The following ADGRE2 variants were observed in gnomAD, a reference collection of about 807,000 sequenced individuals.
ADGRE2 encodes CD97 antigen.
A neutral mutation model predicts 100.8 loss-of-function variants in ADGRE2; 83 were observed. The observed-to-expected ratio is 0.82, with a 90% confidence interval of 0.69 to 0.99. ADGRE2 has a LOEUF of 0.99. ADGRE2 is among the 50% of genes least tolerant of loss of function. ADGRE2 has a pLI of 0.00. For missense variants in ADGRE2, 814 were observed against 1,035.7 expected, an observed-to-expected ratio of 0.79 and a Z score of 2.94; for synonymous variants, 355 against 413.0, an observed-to-expected ratio of 0.86 and a Z score of 1.70.
Position 14,733,785 on chromosome 19 carries a change from T to C in ADGRE2, c.*2451A>G, listed in dbSNP as rs950883386. On this transcript the variant is annotated 3_prime_UTR_variant, in exon 21 of 21. Coordinates refer to ENST00000315576, the MANE Select transcript of ADGRE2 (RefSeq NM_013447.4). The stretch of plus-strand genomic sequence containing the variant: ...TTTCCTCTTTCTTTAATTCTTACAC[T>C]GACCTAGTGGTGGAGGCTTGGCAAG... 5.9e-5 allele frequency: 9 copies of C among 152,216 alleles called. No individual in the cohort carries two copies. Among genetic ancestry groups the C allele is most frequent in the African/African-American group, 1.9e-4 (8 of 41,458 alleles). The allele number at this position is 152,216 out of a possible 1,614,324, so 9.4% of individuals were successfully genotyped here.
At chr19:14,770,826 T>A (rs7246890) in intron 5 of ADGRE2, among the ~76,000 whole-genome samples, 2 of 151,514 alleles carry the variant, frequency 1.3e-5, no homozygotes, top group African/African-American at 4.9e-5. Context: ...TTACAGGTGC[T>A]CACCACTATG....
In ADGRE2 at chr19:14,766,266, G is replaced by A; in HGVS notation, c.603C>T (p.Ser201=). 6.2e-7 allele frequency: 1 copy of A among 1,614,084 alleles called. No homozygotes were observed. ...CRPGWQPIPG[S]PNGPNNTVCE... is the part of the protein sequence containing the mutation. The stretch of plus-strand genomic sequence containing the variant: ...AGACGGTATTGTTTGGGCCATTGGG[G>A]GACCCCGGAATCGGTTGCCAGCCCG... Residue 201 remains serine, a synonymous_variant, in exon 7 of 21, where the codon TCC becomes TCT. Coordinates refer to ENST00000315576, the MANE Select transcript of ADGRE2 (RefSeq NM_013447.4).
At chr19:14,740,347 T>C (rs73513953) in intron 20 of ADGRE2, among the ~76,000 whole-genome samples, 12,847 of 151,492 alleles carry the variant, frequency 0.085, 1,870 homozygotes, top group African/African-American at 0.29. Context: ...TGAGGCCAGG[T>C]GTGGTGGCTC....
At chr19:14,748,312 G>GTTATT (rs57224158) in intron 16 of ADGRE2, among the ~76,000 whole-genome samples, 1 of 151,428 alleles carries the variant, frequency 6.6e-6, no homozygotes, top group African/African-American at 2.4e-5. Flanking sequence ...ACATGATCTT[G>GTTATT]TTATTTTATT....
In ADGRE2 at chr19:14,754,981, G is replaced by A. The variant is rs972666517; in HGVS notation, c.1563C>T (p.Ala521=). 9 of 1,613,966 alleles carry A rather than the reference G, an allele frequency of 5.6e-6. No homozygotes were observed. The highest frequency in any genetic ancestry group is 1.7e-5 in the Admixed American group (1 of 59,994). Residue 521 remains alanine (A), a synonymous_variant, in exon 14 of 21, where the codon GCC becomes GCT. Transcript: ENST00000315576. The part of the protein sequence containing the change: ...ICRCTHLSSF[A]VLMAHYDVQE... ...GCACATCGTAGTGGGCCATGAGGAC[G>A]GCAAAGCTGCTCAGGTGGGTGCAAC...
At chr19:14,770,669 CTTTTTTTTTTTTTTTTTTTT>C (rs775214778) in intron 5 of ADGRE2, among the ~76,000 whole-genome samples, 1 of 85,012 alleles carries the variant, frequency 1.2e-5, no homozygotes, top group Non-Finnish European at 2.3e-5. Flanking sequence ...TCTTTCTTTT[CTTTTTTTTTTTTTTTTTTTT>C]TTTTTTTTGA....
chr19:14,750,887 C>T (rs548371910), intron 16 of ADGRE2, among the ~76,000 whole-genome samples: 4 of 152,144 alleles, frequency 2.6e-5, no homozygotes, highest in Admixed American at 6.6e-5. Flanking sequence ...AATCATAGCT[C>T]ACTGCAACTT....
chr19:14,738,566 C>T (rs944646575), intron 20 of ADGRE2, among the ~76,000 whole-genome samples: 11 of 152,072 alleles, frequency 7.2e-5, no homozygotes, highest in East Asian at 3.9e-4. Context: ...TTTGTAGAAA[C>T]GGAATTTTGC....
At chr19:14,776,976 GCA>G (rs58154734) in intron 1 of ADGRE2, 49 bp from the exon 2 acceptor site, 77,704 of 1,016,260 alleles carry the variant, frequency 0.076, 845 homozygotes, top group South Asian at 0.098. Context: ...CAGGGGCGCT[GCA>G]CACACACACA....
rs147242192 is a variant in ADGRE2, at chr19:14,757,779, G to C, written c.1085-1434C>G. On this transcript the variant is annotated intron_variant, in intron 11 of 20. Coordinates refer to ENST00000315576, the MANE Select transcript of ADGRE2 (RefSeq NM_013447.4). Reference sequence around the variant, plus strand: ...GGAGGAAACAGGGGTAAATCTTCCTGGTCTTGGATGCGGTAATGAATTCTT... The same window carrying C: ...GGAGGAAACAGGGGTAAATCTTCCTCGTCTTGGATGCGGTAATGAATTCTT... Among the ~76,000 whole-genome samples the C allele has an allele frequency of 1.1e-4, 16 of 152,222 alleles. No individual in the cohort carries two copies. In the East Asian group the frequency reaches 3.1e-3, roughly 29 times the overall value.
At chr19:14,753,276 AGG>A in intron 14 of ADGRE2, among the ~76,000 whole-genome samples, 1 of 151,914 alleles carries the variant, frequency 6.6e-6, no homozygotes, top group Non-Finnish European at 1.5e-5. Context: ...TATGTCCAGC[AGG>A]AGACTTGTGG....
chr19:14,751,296 G>A, intron 16 of ADGRE2, 140 bp downstream of exon 16: 1 of 634,792 alleles, frequency 1.6e-6, no homozygotes, highest in East Asian at 2.7e-5. Context: ...AGAATAAGGA[G>A]CTGCAGTGTA....
chr19:14,763,798 T>C (rs1262111414), intron 11 of ADGRE2, among the ~76,000 whole-genome samples: 1 of 318 alleles, frequency 3.1e-3, no homozygotes, highest in Non-Finnish European at 5.7e-3. Context: ...CCTCCTCCTC[T>C]CTTTCTCCAT....
intron 20 of ADGRE2, chr19:14,741,915 T>C (rs1408852566): frequency 2.5e-6 from 1 of 398,082 alleles, no homozygotes; most frequent in African/African-American, 2.1e-5. Context: ...ACTTTGTATG[T>C]CTACATTAAT....
At chr19:14,728,799 T>G (rs1198107796), downstream of ADGRE2, among the ~76,000 whole-genome samples, 1 of 152,202 alleles carries the variant, frequency 6.6e-6, no homozygotes, top group Non-Finnish European at 1.5e-5. Flanking sequence ...GCAGTTTACT[T>G]CTGCAGAAGG....
intron 5 of ADGRE2, among the ~76,000 whole-genome samples, chr19:14,770,739 T>C (rs1025213246): frequency 1.4e-5 from 2 of 143,744 alleles, no homozygotes; most frequent in Non-Finnish European, 3.0e-5. Context: ...GAGTGCAATA[T>C]TGAGATCCTG....
chr19:14,743,245 T>TA (rs201110370), intron 20 of ADGRE2, among the ~76,000 whole-genome samples, 175 bp downstream of exon 20: 245 of 150,940 alleles, frequency 1.6e-3, no homozygotes, highest in African/African-American at 4.6e-3. Flanking sequence ...TATGACTGAT[T>TA]AAAAAAAAAC....
intron 11 of ADGRE2, among the ~76,000 whole-genome samples, chr19:14,762,072 C>T (rs2043746507): frequency 6.6e-6 from 1 of 152,078 alleles, no homozygotes; most frequent in Admixed American, 6.6e-5. Context: ...CCCCAGAAAA[C>T]AACACCACTT....
At chr19:14,756,496 A>G in intron 11 of ADGRE2, 151 bp from the exon 12 acceptor site, 3 of 623,570 alleles carry the variant, frequency 4.8e-6, no homozygotes, top group Non-Finnish European at 8.5e-6. Flanking sequence ...CTGTATATCT[A>G]CAAAGTAGGT....
Sources: gnomAD v4.1 joint callset for allele counts (sites outside exome capture counted in the v4.1 genomes callset) on GRCh38, gnomAD v4.1.1 for gene constraint, MANE v1.5 for transcripts, NCBI Gene and HGNC (gene_info 2026-07-23, HGNC 2026-07-21) for gene names.